Variants in NUP50 observed in about 807,000 individuals in gnomAD.
The protein encoded by NUP50 is nucleoporin 50.
A neutral mutation model predicts 36.8 loss-of-function variants in NUP50; 14 were observed. That is an observed-to-expected ratio of 0.38 (90% confidence interval 0.25 to 0.59). The LOEUF (loss-of-function observed/expected upper bound fraction) is 0.59, where lower values mean the gene tolerates loss of function less well. Ranked by LOEUF, NUP50 falls within the 20% of genes least tolerant of loss-of-function variation. The pLI is 0.63. For synonymous variants in NUP50, 195 were observed against 210.8 expected (o/e 0.93, Z 0.65); for missense variants, 455 against 564.6 (o/e 0.81, Z 1.97).
At chr22:45,174,474 G>A (rs1252774455) in intron 3 of NUP50, among the ~76,000 whole-genome samples, 1 of 152,102 alleles carries the variant, frequency 6.6e-6, no homozygotes, top group Non-Finnish European at 1.5e-5. Context: ...ACCACACCTG[G>A]CCCCTTGATG....
intron 1 of NUP50, chr22:45,166,109 C>T (rs2147661263): frequency 6.6e-6 from 1 of 152,222 alleles, no homozygotes; most frequent in African/African-American, 2.4e-5. Flanking sequence ...TGGTTATATA[C>T]TGATTTGGTG....
At chr22:45,170,876 T>G (rs1364324126) in intron 2 of NUP50, 11 of 629,142 alleles carry the variant, frequency 1.7e-5, no homozygotes, top group Non-Finnish European at 2.6e-5. Flanking sequence ...TTGGGGCAAG[T>G]GCAGCCAGAT....
intron 5 of NUP50, among the ~76,000 whole-genome samples, chr22:45,180,765 C>T (rs2074355180): frequency 6.6e-6 from 1 of 151,988 alleles, no homozygotes; most frequent in African/African-American, 2.4e-5. Context: ...AGCAGTGACC[C>T]ATGTGGCAAT....
chr22:45,178,578 A>G lies in NUP50; in HGVS notation c.681A>G (p.Ser227=), dbSNP rs573912052. The G allele has an allele frequency of 8.7e-6, 14 of 1,611,886 alleles. No individual in the cohort carries two copies. In the Admixed American group the frequency reaches 1.8e-4, roughly 21 times the overall value. Residue 227 remains serine, a synonymous_variant, in exon 5 of 8, where the codon TCA becomes TCG. Coordinates refer to ENST00000347635, the MANE Select transcript of NUP50 (RefSeq NM_007172.4). ...AETQSPSLFG[S]TKLQQESTFL... ...CACAGTCTCCTTCCCTTTTTGGCTCAACAAAATTACAGCAAGAGTCAACGT... is the reference window on the plus strand; with the variant it reads ...CACAGTCTCCTTCCCTTTTTGGCTCGACAAAATTACAGCAAGAGTCAACGT...
chr22:45,177,343 G>C (rs756339317), intron 4 of NUP50, among the ~76,000 whole-genome samples: 21 of 152,142 alleles, frequency 1.4e-4, no homozygotes, highest in Non-Finnish European at 2.8e-4. Flanking sequence ...ACCACACTCA[G>C]CTAATTTTTA....
rs1010164986 is a variant in NUP50, at chr22:45,184,931, G to A, written c.*276G>A. On this transcript the variant is annotated 3_prime_UTR_variant, in exon 8 of 8. Transcript: ENST00000347635. The stretch of plus-strand genomic sequence containing the variant: ...TTCGTTTATTAAACTAACCCTAAGT[G>A]ATTTCTTCAAGGACTGCAATCAGGG... 1 of 436,790 alleles carries A rather than the reference G, an allele frequency of 2.3e-6. No individual in the cohort carries two copies. Among genetic ancestry groups the A allele is most frequent in the Non-Finnish European group, 4.2e-6 (1 of 238,492 alleles). The allele number at this position is 436,790 out of a possible 1,614,324, so 27.1% of individuals were successfully genotyped here. A position where few individuals can be genotyped will look rare whatever the true frequency, so the allele number is the denominator to read the frequency against.
chr22:45,173,610 CAT>C (rs2074231942), intron 3 of NUP50, among the ~76,000 whole-genome samples: 1 of 152,092 alleles, frequency 6.6e-6, no homozygotes, highest in Non-Finnish European at 1.5e-5. Flanking sequence ...CAGCTTTCGT[CAT>C]GTGGGGGATT....
intron 5 of NUP50, among the ~76,000 whole-genome samples, chr22:45,180,526 G>A (rs1308637362): frequency 2.6e-5 from 4 of 152,074 alleles, no homozygotes; most frequent in Non-Finnish European, 4.4e-5. Context: ...GGCACGTACC[G>A]CCACACCTGG....
Position 45,178,704 on chromosome 22 carries a change from C to A in NUP50, c.807C>A (p.Ala269=), listed in dbSNP as rs144752419. ...TDPSSLGATS[A]SFNFGKKVDS... ...CATCATCACTAGGAGCGACAAGTGCCTCATTTAATTTCGGCAAGAAAGTTG... is the reference window on the plus strand; with the variant it reads ...CATCATCACTAGGAGCGACAAGTGCATCATTTAATTTCGGCAAGAAAGTTG... Residue 269 remains alanine, a synonymous_variant, in exon 5 of 8, where the codon GCC becomes GCA. Coordinates refer to ENST00000347635, the MANE Select transcript of NUP50 (RefSeq NM_007172.4). 6 of 1,612,550 alleles carry A rather than the reference C, an allele frequency of 3.7e-6. No homozygotes were observed. In the African/African-American group the frequency reaches 4.0e-5, roughly 11 times the overall value.
intron 1 of NUP50, among the ~76,000 whole-genome samples, chr22:45,166,959 G>A (rs183640099): frequency 5.3e-5 from 8 of 152,214 alleles, no homozygotes; most frequent in African/African-American, 1.4e-4. Context: ...CTGACAGCCC[G>A]TATGTAATTA....
rs1008360959 is a variant in NUP50, at chr22:45,168,148, T to C, written c.-10-20T>C. Reference sequence around the variant, plus strand: ...TTTATTCTTCTAGAAAAATAAACTCTTCTGTTTTCTATAACTTAGGTTCGA... The same window carrying C: ...TTTATTCTTCTAGAAAAATAAACTCCTCTGTTTTCTATAACTTAGGTTCGA... On this transcript the variant is annotated intron_variant, in intron 1 of 7. Coordinates refer to ENST00000347635, the MANE Select transcript of NUP50 (RefSeq NM_007172.4). 5.1e-6 allele frequency: 8 copies of C among 1,559,306 alleles called. No homozygotes were observed. Among genetic ancestry groups the C allele is most frequent in the Non-Finnish European group, 5.3e-6 (6 of 1,140,956 alleles).
intron 5 of NUP50, chr22:45,179,126 A>C: frequency 2.3e-6 from 1 of 428,368 alleles, no homozygotes; most frequent in Non-Finnish European, 4.1e-6. Context: ...AATAAAATGA[A>C]TTTGAAAACA....
rs544316046 is a variant in NUP50, at chr22:45,174,405, G to A, written c.154-1489G>A. Reference sequence around the variant, plus strand: ...TTGCCCAGGGTGGTTTCAAACTCCTGGGCTCAAGTGACCTGAATGTCTCGG... The same window carrying A: ...TTGCCCAGGGTGGTTTCAAACTCCTAGGCTCAAGTGACCTGAATGTCTCGG... On this transcript the variant is annotated intron_variant, in intron 3 of 7. Coordinates refer to ENST00000347635, the MANE Select transcript of NUP50 (RefSeq NM_007172.4). 2.6e-5 allele frequency among the ~76,000 whole-genome samples: 4 copies of A among 152,218 alleles called. No individual in the cohort carries two copies. The South Asian group carries it at 8.3e-4, about 32-fold the overall frequency.
intron 4 of NUP50, 73 bp downstream of exon 4, chr22:45,176,153 C>T: frequency 6.8e-7 from 1 of 1,478,838 alleles, no homozygotes; most frequent in Non-Finnish European, 9.2e-7. Context: ...AGATGTTTTT[C>T]TTATAGCTAC....
In NUP50 at chr22:45,183,253, C is replaced by G. The variant is rs1026342749; in HGVS notation, c.1086-149C>G. On this transcript the variant is annotated intron_variant, in intron 6 of 7. Transcript: ENST00000347635. ...TCTTATTCTGGTTTTTGCTCAGGCT[C>G]TGTTTGGATCAATTAAAGATTTATC... 8 of 556,482 alleles carry G rather than the reference C, an allele frequency of 1.4e-5. No individual in the cohort carries two copies. The East Asian group carries it at 2.3e-4, about 16-fold the overall frequency. 34.5% of individuals were successfully genotyped at this position (556,482 alleles called of 1,614,324 possible). A position where few individuals can be genotyped will look rare whatever the true frequency, so the allele number is the denominator to read the frequency against.
chr22:45,178,735 T>C lies in NUP50; in HGVS notation c.838T>C (p.Ser280Pro), dbSNP rs1298665545. ...SFNFGKKVDS[S>P]VLGSLSSVPL... ...TAATTTCGGCAAGAAAGTTGATAGC[T>C]CTGTTTTGGGCTCATTAAGCTCTGT... is the stretch of plus-strand genomic sequence containing the variant. Residue 280 changes from serine to proline, a missense_variant, in exon 5 of 8, where the codon TCT (serine) becomes CCT (proline). Ser to Pro is a moderately conservative substitution (Grantham distance 74, BLOSUM62 -1). Transcript: ENST00000347635. The C allele has an allele frequency of 6.2e-7, 1 of 1,613,522 alleles. No homozygotes were observed. Among genetic ancestry groups the C allele is most frequent in the Non-Finnish European group, 8.5e-7 (1 of 1,179,880 alleles).
intron 7 of NUP50, chr22:45,183,733 TTTTCC>T (rs1360921278): frequency 1.2e-5 from 6 of 487,592 alleles, no homozygotes; most frequent in Non-Finnish European, 2.2e-5. Flanking sequence ...TGATTTTTCA[TTTTCC>T]TTTGTGTTAG....
intron 1 of NUP50, chr22:45,164,811 C>G (rs1284405262): frequency 6.5e-6 from 1 of 152,962 alleles, no homozygotes; most frequent in East Asian, 1.9e-4. Flanking sequence ...TCCTTCCTAG[C>G]GATTCCTCTC....
At chr22:45,179,000 T>A (rs2074323910) in intron 5 of NUP50, 100 bp downstream of exon 5, 1 of 1,134,522 alleles carries the variant, frequency 8.8e-7, no homozygotes. Context: ...GGATTCACAT[T>A]GAGACGTTGT....
Sources: allele counts gnomAD v4.1 joint callset (sites outside exome capture counted in the v4.1 genomes callset), GRCh38; gene constraint gnomAD v4.1.1; transcripts MANE v1.5; gene names NCBI Gene and HGNC (gene_info 2026-07-23, HGNC 2026-07-21).